EXOC6B: variants seen among roughly 807,000 people sequenced by gnomAD.
The protein encoded by EXOC6B is SEC15 homolog B.
A neutral mutation model predicts 113.5 loss-of-function variants in EXOC6B; 54 were observed. The observed-to-expected ratio is 0.48, with a 90% CI of 0.38 to 0.60. The LOEUF (loss-of-function observed/expected upper bound fraction) is 0.60, where lower values mean the gene tolerates loss of function less well. Ranked by LOEUF, EXOC6B falls within the 20% of genes least tolerant of loss-of-function variation. The pLI, the probability that EXOC6B is intolerant of heterozygous loss-of-function variation, is 0.00. For synonymous variants in EXOC6B, 357 were observed against 339.0 expected (o/e 1.05, Z -0.58); for missense variants, 797 against 977.5 (o/e 0.82, Z 2.46).
At chr2:72,292,537 G>C (rs1182491026) in intron 20 of EXOC6B, among the ~76,000 whole-genome samples, 3 of 147,890 alleles carry the variant, frequency 2.0e-5, no homozygotes, top group Non-Finnish European at 3.0e-5. Flanking sequence ...TGCACGCTTT[G>C]TGTGTGTGTG....
rs939893870 is a variant in EXOC6B at position 72,424,777 on chromosome 2, A to G, written c.1980+40383T>C. Among the ~76,000 whole-genome samples, 3 of 152,102 alleles carry G rather than the reference A, an allele frequency of 2.0e-5. No homozygotes were observed. In the East Asian group the frequency reaches 5.8e-4, roughly 29 times the overall value. ...AATAGAAACATATCTAATTATCAGGATTACTGATACACAGATAATTTGTTG... is the reference window on the plus strand; with the variant it reads ...AATAGAAACATATCTAATTATCAGGGTTACTGATACACAGATAATTTGTTG... On this transcript the variant is annotated intron_variant, in intron 18 of 21. Coordinates refer to ENST00000272427, the MANE Select transcript of EXOC6B (RefSeq NM_015189.3).
chr2:72,667,855 A>C (rs1478416817), intron 6 of EXOC6B, among the ~76,000 whole-genome samples: 1 of 152,258 alleles, frequency 6.6e-6, no homozygotes, highest in East Asian at 1.9e-4. Context: ...ATTGTAACAA[A>C]GATAAAAATT....
intron 6 of EXOC6B, among the ~76,000 whole-genome samples, chr2:72,670,840 G>C (rs1271081465): frequency 6.6e-6 from 1 of 152,050 alleles, no homozygotes; most frequent in Non-Finnish European, 1.5e-5. Flanking sequence ...CTCAGTCCTT[G>C]GAGTTCTCTC....
At chr2:72,754,528 C>A (rs1331540239) in intron 1 of EXOC6B, among the ~76,000 whole-genome samples, 1 of 151,900 alleles carries the variant, frequency 6.6e-6, no homozygotes, top group Non-Finnish European at 1.5e-5. Flanking sequence ...CCACCACACC[C>A]AGCCAAATTT....
At chr2:72,401,527 AT>A (rs1693193029) in intron 18 of EXOC6B, among the ~76,000 whole-genome samples, 2 of 4,308 alleles carry the variant, frequency 4.6e-4, no homozygotes, top group Non-Finnish European at 8.1e-4. Flanking sequence ...ATATATACAT[AT>A]ATATATATAT....
chr2:72,195,726 C>A (rs566891820), intron 20 of EXOC6B, among the ~76,000 whole-genome samples: 2 of 152,240 alleles, frequency 1.3e-5, no homozygotes, highest in African/African-American at 4.8e-5. Flanking sequence ...GCTCAAAAAT[C>A]TCCTAATCAT....
intron 7 of EXOC6B, among the ~76,000 whole-genome samples, chr2:72,563,593 G>GA (rs1259074198): frequency 6.6e-6 from 1 of 151,922 alleles, no homozygotes; most frequent in African/African-American, 2.4e-5. Flanking sequence ...AAGGCCCCCT[G>GA]AAAAAATATT....
At chr2:72,369,542 C>T (rs1457163948) in intron 19 of EXOC6B, among the ~76,000 whole-genome samples, 2 of 152,092 alleles carry the variant, frequency 1.3e-5, no homozygotes, top group African/African-American at 4.8e-5. Flanking sequence ...AAAAAAGAGC[C>T]CGCATTGCCA....
rs1254862534 is a variant in EXOC6B at position 72,550,908 on chromosome 2, A to AT, written c.915+8544dup. Among the ~76,000 whole-genome samples the AT allele has an allele frequency of 3.7e-3, 519 of 141,292 alleles. 4 individuals carry two copies. Among genetic ancestry groups the AT allele is most frequent in the African/African-American group, 5.8e-3 (224 of 38,464 alleles). 92.7% of individuals were successfully genotyped at this position (141,292 alleles called of 152,430 possible). ...AACAATTACGAGATAACTGCCATTT[A>AT]TTTTTTTTTTATTTTTTTTTTTTTT... On this transcript the variant is annotated intron_variant, in intron 8 of 21. Coordinates refer to ENST00000272427, the MANE Select transcript of EXOC6B (RefSeq NM_015189.3).
intron 1 of EXOC6B, among the ~76,000 whole-genome samples, chr2:72,759,547 C>T (rs1010314014): frequency 2.0e-5 from 3 of 152,120 alleles, no homozygotes; most frequent in African/African-American, 4.8e-5. Context: ...AATGACTTTG[C>T]CATTTCAACT....
At chr2:72,394,701 T>C (rs1025212688) in intron 18 of EXOC6B, among the ~76,000 whole-genome samples, 7 of 152,174 alleles carry the variant, frequency 4.6e-5, no homozygotes, top group Admixed American at 4.6e-4. Flanking sequence ...CTATGCTTAA[T>C]GTTTCACCAG....
intron 1 of EXOC6B, among the ~76,000 whole-genome samples, chr2:72,752,755 T>C (rs1682138289): frequency 1.3e-5 from 2 of 152,156 alleles, no homozygotes; most frequent in South Asian, 4.1e-4. Flanking sequence ...TAAAAGACTA[T>C]TAATTGTCAA....
intron 18 of EXOC6B, among the ~76,000 whole-genome samples, chr2:72,400,870 A>T (rs1693097657): frequency 6.6e-6 from 1 of 152,036 alleles, no homozygotes; most frequent in Non-Finnish European, 1.5e-5. Flanking sequence ...AGCCTATATA[A>T]AAGACAGCAT....
intron 16 of EXOC6B, among the ~76,000 whole-genome samples, chr2:72,489,267 A>G (rs888327515): frequency 6.6e-6 from 1 of 152,220 alleles, no homozygotes; most frequent in African/African-American, 2.4e-5. Flanking sequence ...TTTCTCTGGT[A>G]GAATGTAAGC....
intron 18 of EXOC6B, among the ~76,000 whole-genome samples, chr2:72,461,058 G>A (rs547852787): frequency 4.6e-5 from 7 of 151,842 alleles, no homozygotes; most frequent in African/African-American, 1.7e-4. Flanking sequence ...GTCCTTTGTA[G>A]GGACACGGAT....
chr2:72,586,483 TG>T (rs772522626), intron 6 of EXOC6B, among the ~76,000 whole-genome samples: 1 of 152,110 alleles, frequency 6.6e-6, no homozygotes, highest in Non-Finnish European at 1.5e-5. Flanking sequence ...CCAGGCGCGG[TG>T]GCTCAAGCCT....
At chr2:72,637,974 C>T (rs947598390) in intron 6 of EXOC6B, among the ~76,000 whole-genome samples, 9 of 151,810 alleles carry the variant, frequency 5.9e-5, no homozygotes, top group Non-Finnish European at 1.2e-4. Flanking sequence ...GTGAATAAAA[C>T]TCAAAATCAG....
chr2:72,487,757 G>A (rs887314165), intron 16 of EXOC6B, among the ~76,000 whole-genome samples: 1 of 152,158 alleles, frequency 6.6e-6, no homozygotes, highest in East Asian at 1.9e-4. Flanking sequence ...CTGGGCTCAT[G>A]GGTTTAGGGA....
At chr2:72,373,425 C>T (rs1405408071) in intron 19 of EXOC6B, among the ~76,000 whole-genome samples, 4 of 152,026 alleles carry the variant, frequency 2.6e-5, no homozygotes, top group Non-Finnish European at 5.9e-5. Context: ...AATAGGATCA[C>T]AACAAGTTAA....
Sources: allele counts gnomAD v4.1 joint callset (sites outside exome capture counted in the v4.1 genomes callset), GRCh38; gene constraint gnomAD v4.1.1; transcripts MANE v1.5; gene names NCBI Gene and HGNC (gene_info 2026-07-23, HGNC 2026-07-21).